GPR55: variants seen among roughly 807,000 people sequenced by gnomAD.
The protein encoded by GPR55 is G-protein coupled receptor 55.
GPR55 carries 6 observed loss-of-function variants against 7.9 expected under a neutral mutation model. The observed-to-expected ratio is 0.76, with a 90% CI of 0.41 to 1.49. The LOEUF is 1.49. GPR55 is among the 40% of genes most tolerant of loss of function. The pLI, the probability that GPR55 is intolerant of heterozygous loss-of-function variation, is 0.01. For synonymous variants in GPR55, 183 were observed against 166.8 expected (o/e 1.10, Z -0.75); for missense variants, 376 against 406.0 (o/e 0.93, Z 0.63).
chr2:230,910,009 C>T lies in GPR55; in HGVS notation c.954G>A (p.Arg318=). 1 of 1,612,412 alleles carries T rather than the reference C, an allele frequency of 6.2e-7. No individual in the cohort carries two copies. The highest frequency in any genetic ancestry group is 1.1e-5 in the South Asian group (1 of 90,922). ...TGAACAGGATGTCCTTCCGTTAGCC[C>T]CGGGAGATCGTGGTGTCCTGCAGGA... ...QLVLQDTTIS[R]G is the part of the protein sequence containing the mutation. Residue 318 remains arginine (R), a synonymous_variant, in exon 2 of 2, where the codon CGG becomes CGA. Transcript: ENST00000650999. This position sits in a 1 kb window ranked among gnomAD's most constrained non-coding sequence, Gnocchi z 5.4.
intron 1 of GPR55, among the ~76,000 whole-genome samples, chr2:230,932,886 T>C (rs1219427881): frequency 6.6e-6 from 1 of 150,860 alleles, no homozygotes; most frequent in African/African-American, 2.4e-5. Context: ...CTCTCTCTCT[T>C]GCATGCGCTC....
At chr2:230,939,639 T>G (rs1173541400) in intron 1 of GPR55, among the ~76,000 whole-genome samples, 1 of 152,098 alleles carries the variant, frequency 6.6e-6, no homozygotes, top group African/African-American at 2.4e-5. Flanking sequence ...GAAAGGTGTC[T>G]GTGGGTCTCT....
intron 1 of GPR55, among the ~76,000 whole-genome samples, chr2:230,921,768 AC>A (rs1000561291): frequency 1.2e-4 from 19 of 152,108 alleles, no homozygotes; most frequent in Non-Finnish European, 2.6e-4. Flanking sequence ...AGCTCTGATC[AC>A]CCTAGGACCC....
chr2:230,930,531 A>G (rs1691018994), intron 1 of GPR55, among the ~76,000 whole-genome samples: 1 of 150,972 alleles, frequency 6.6e-6, no homozygotes, highest in South Asian at 2.1e-4. Context: ...GCTCACTGCA[A>G]CCTTCGTTTC....
At position 230,925,179 on chromosome 2, in the gene GPR55, C is replaced by T. The variant is rs1439735532; in HGVS notation, c.-146G>A. ...CCAGAGGCTGTTACCTGTTGGTGGT[C>T]CGGTGCAGCTGAGAGGGCTGAGAGA... On this transcript the variant is annotated 5_prime_UTR_variant, in exon 1 of 2. Coordinates refer to ENST00000650999, the MANE Select transcript of GPR55 (RefSeq NM_005683.4). 6.5e-6 allele frequency: 1 copy of T among 152,680 alleles called. No homozygotes were observed. The highest frequency in any genetic ancestry group is 1.5e-5 in the Non-Finnish European group (1 of 68,106). 9.5% of individuals were successfully genotyped at this position (152,680 alleles called of 1,614,324 possible).
chr2:230,922,732 C>T (rs1574624051), intron 1 of GPR55, among the ~76,000 whole-genome samples: 2 of 152,168 alleles, frequency 1.3e-5, no homozygotes, highest in East Asian at 1.9e-4. Context: ...TGTGCCACCA[C>T]GCCCGGCTAA....
chr2:230,934,930 G>C (rs914114462), intron 1 of GPR55, among the ~76,000 whole-genome samples: 4 of 152,028 alleles, frequency 2.6e-5, no homozygotes, highest in African/African-American at 9.7e-5. Flanking sequence ...CCCCCACCCA[G>C]GACCCCTACA....
chr2:230,949,368 T>C (rs1691365357), intron 1 of GPR55, among the ~76,000 whole-genome samples: 2 of 152,236 alleles, frequency 1.3e-5, no homozygotes. Flanking sequence ...TTCACCATGT[T>C]GACCAGGCTG....
Position 230,934,198 on chromosome 2 carries a change from C to T in GPR55, c.-134-23102G>A, listed in dbSNP as rs77940392. On this transcript the variant is annotated intron_variant, in intron 1 of 1. Transcript: ENST00000392039. ...TGTTTCTCCACCTGCCCCTACAACA[C>T]AAAAGGCTGACAGAATATGGTGATT... Among the ~76,000 whole-genome samples the T allele has an allele frequency of 9.1e-3, 1,390 of 152,308 alleles. 22 individuals carry two copies. Among genetic ancestry groups the T allele is most frequent in the African/African-American group, 0.032 (1,339 of 41,554 alleles).
At chr2:230,920,523 T>C (rs969594379) in intron 1 of GPR55, among the ~76,000 whole-genome samples, 1 of 152,134 alleles carries the variant, frequency 6.6e-6, no homozygotes. Context: ...AAGTTTCCTC[T>C]GTTCACAGGT....
rs1574613999 is a variant in GPR55, at chr2:230,908,311, C to T, written c.*1692G>A. 1 of 152,802 alleles carries T rather than the reference C, an allele frequency of 6.5e-6. No individual in the cohort carries two copies. Among genetic ancestry groups the T allele is most frequent in the South Asian group, 2.1e-4 (1 of 4,844 alleles). 9.5% of individuals were successfully genotyped at this position (152,802 alleles called of 1,614,324 possible). A position where few individuals can be genotyped will look rare whatever the true frequency, so the allele number is the denominator to read the frequency against. On this transcript the variant is annotated 3_prime_UTR_variant, in exon 2 of 2. Coordinates refer to ENST00000650999, the MANE Select transcript of GPR55 (RefSeq NM_005683.4). Reference sequence around the variant, plus strand: ...CTTCCTCACCCTTCCCTCCATCCACCTAGGAGGAGGTGTACAGGGTGCCAC... The same window carrying T: ...CTTCCTCACCCTTCCCTCCATCCACTTAGGAGGAGGTGTACAGGGTGCCAC...
intron 1 of GPR55, among the ~76,000 whole-genome samples, chr2:230,953,939 G>A (rs1691441625): frequency 6.6e-6 from 1 of 152,190 alleles, no homozygotes; most frequent in South Asian, 2.1e-4. Context: ...TCCTGGTGGG[G>A]GATCCCCAAG....
chr2:230,944,543 G>C lies in GPR55; in HGVS notation c.-135+16232C>G, dbSNP rs1691282023. Among the ~76,000 whole-genome samples the C allele has an allele frequency of 6.6e-6, 1 of 152,184 alleles. No homozygotes were observed. Among genetic ancestry groups the C allele is most frequent in the African/African-American group, 2.4e-5 (1 of 41,440 alleles). ...CGGCACAAGATTTAATTCTCAGAGT[G>C]AAAACGAGAATGCCGTGTCTCTGGG... On this transcript the variant is annotated intron_variant, in intron 1 of 1. Transcript: ENST00000392039. This position sits in a 1 kb window ranked among gnomAD's most constrained non-coding sequence, Gnocchi z 4.2.
In GPR55 at chr2:230,923,456, G is replaced by A. The variant is rs1482391072; in HGVS notation, c.-135+1712C>T. On this transcript the variant is annotated intron_variant, in intron 1 of 1. Transcript: ENST00000650999. This position sits in a 1 kb window ranked among gnomAD's most constrained non-coding sequence, Gnocchi z 4.1. Reference sequence around the variant, plus strand: ...GTTAGAATACACAGCGTATCCACCAGTAACACCATAGTGTGAATAAAGTCA... The same window carrying A: ...GTTAGAATACACAGCGTATCCACCAATAACACCATAGTGTGAATAAAGTCA... Among the ~76,000 whole-genome samples the A allele has an allele frequency of 6.6e-6, 1 of 152,228 alleles. No individual in the cohort carries two copies. The highest frequency in any genetic ancestry group is 1.5e-5 in the Non-Finnish European group (1 of 68,044).
Position 230,923,648 on chromosome 2 carries a change from G to A in GPR55, c.-135+1520C>T, listed in dbSNP as rs774531891. 7.2e-5 allele frequency among the ~76,000 whole-genome samples: 11 copies of A among 152,214 alleles called. No individual in the cohort carries two copies. The East Asian group carries it at 9.7e-4, about 13-fold the overall frequency. On this transcript the variant is annotated intron_variant, in intron 1 of 1. Transcript: ENST00000650999. This position sits in a 1 kb window ranked among gnomAD's most constrained non-coding sequence, Gnocchi z 4.1. ...AGAGGGGAGGGGCCGGCTTGGGGACGTGAAAGGTGGCCAGCAGTGTGCTCA... is the reference window on the plus strand; with the variant it reads ...AGAGGGGAGGGGCCGGCTTGGGGACATGAAAGGTGGCCAGCAGTGTGCTCA...
chr2:230,912,836 G>C (rs2969126), intron 1 of GPR55, among the ~76,000 whole-genome samples: 143,701 of 152,332 alleles, frequency 0.94, 67,897 homozygotes, highest in East Asian at 1. Flanking sequence ...GATATTCGAA[G>C]AGAACAAAAG....
At chr2:230,933,969 G>A (rs953544717) in intron 1 of GPR55, among the ~76,000 whole-genome samples, 3 of 152,090 alleles carry the variant, frequency 2.0e-5, no homozygotes, top group Admixed American at 1.3e-4. Context: ...CAAAGCTTCC[G>A]GTGACCACCC....
intron 1 of GPR55, among the ~76,000 whole-genome samples, chr2:230,913,492 A>G (rs1056531034): frequency 1.3e-5 from 2 of 152,248 alleles, no homozygotes; most frequent in Non-Finnish European, 2.9e-5. Context: ...CTTTCCAAAG[A>G]TTCTATGGTT....
chr2:230,946,563 G>T (rs757634802), intron 1 of GPR55, among the ~76,000 whole-genome samples: 5 of 152,238 alleles, frequency 3.3e-5, no homozygotes, highest in Non-Finnish European at 5.9e-5. Context: ...CATCAGAAGA[G>T]ATGCACCCTG....
Sources: allele counts gnomAD v4.1 joint callset (sites outside exome capture counted in the v4.1 genomes callset), GRCh38; gene constraint gnomAD v4.1.1; non-coding constraint Gnocchi (gnomAD v3.1); transcripts MANE v1.5; gene names NCBI Gene and HGNC (gene_info 2026-07-23, HGNC 2026-07-21).